Variants in MRPL45 observed in about 807,000 individuals in gnomAD.
MRPL45 encodes the protein large ribosomal subunit protein mL45.
Under a neutral mutation model 38.1 loss-of-function variants are expected in MRPL45, and 20 were observed. The observed-to-expected ratio is 0.53, with a 90% CI of 0.37 to 0.76. The LOEUF is 0.76. Among genes scored for constraint, MRPL45 ranks in the 30% least tolerant of loss-of-function variants. The pLI, the probability that MRPL45 is intolerant of heterozygous loss-of-function variation, is 0.00. For synonymous variants in MRPL45, 105 were observed against 128.8 expected (o/e 0.82, Z 1.25); for missense variants, 337 against 395.6 (o/e 0.85, Z 1.26).
intron 4 of MRPL45, among the ~76,000 whole-genome samples, chr17:38,317,794 C>T (rs1370870893): frequency 2.6e-5 from 4 of 151,446 alleles, no homozygotes; most frequent in South Asian, 4.2e-4. Flanking sequence ...ATGACGGTCT[C>T]GATCTCCTGA....
intron 4 of MRPL45, among the ~76,000 whole-genome samples, chr17:38,314,417 G>T (rs2037154946): frequency 6.6e-6 from 1 of 152,154 alleles, no homozygotes; most frequent in South Asian, 2.1e-4. Context: ...TTTCACTCTT[G>T]ATAGTATCCT....
In MRPL45 at chr17:38,322,545, G is replaced by C; in HGVS notation, c.871G>C (p.Glu291Gln). 1 of 1,613,684 alleles carries C rather than the reference G, an allele frequency of 6.2e-7. No individual in the cohort carries two copies. The highest frequency in any genetic ancestry group is 8.5e-7 in the Non-Finnish European group (1 of 1,179,978). The stretch of plus-strand genomic sequence containing the variant: ...CCCTGGCCCTCAGCTGAAACCAGAA[G>C]AAGAATATGAAGAGGCACAAGGAGA... ...MIPGPQLKPEEEYEEAQGEAQ... is the reference protein window; with the variant it reads ...MIPGPQLKPEQEYEEAQGEAQ... Residue 291 changes from glutamate to glutamine, a missense_variant, in exon 8 of 8, where the codon GAA becomes CAA. Around this residue, in one of 3 missense-constraint regions of MRPL45, gnomAD observed 251 missense variants for 269.1 expected, o/e 0.93. Transcript: ENST00000613675.
chr17:38,315,421 ATT>A (rs78081464), intron 4 of MRPL45, among the ~76,000 whole-genome samples: 9 of 141,968 alleles, frequency 6.3e-5, no homozygotes, highest in African/African-American at 2.0e-4. Context: ...CACCTGGCTA[ATT>A]TTTTTTTTTT....
chr17:38,317,858 C>T (rs572051319), intron 4 of MRPL45, among the ~76,000 whole-genome samples: 1 of 151,966 alleles, frequency 6.6e-6, no homozygotes, highest in South Asian at 2.1e-4. Flanking sequence ...CAGGCATGAG[C>T]CACCATGCCC....
chr17:38,305,354 C>T (rs1436296021), intron 3 of MRPL45, among the ~76,000 whole-genome samples: 6 of 143,670 alleles, frequency 4.2e-5, no homozygotes, highest in African/African-American at 1.0e-4. Flanking sequence ...GTAGTCCCAG[C>T]TACTTGGGAG....
chr17:38,308,437 TTTTTGTTTG>T (rs1205786810), intron 4 of MRPL45, among the ~76,000 whole-genome samples: 5 of 149,610 alleles, frequency 3.3e-5, no homozygotes, highest in Admixed American at 1.4e-4. Flanking sequence ...ATTGTTTTTT[TTTTTGTTTG>T]TTTGTTTGTT....
At chr17:38,309,758 C>A (rs912729243) in intron 4 of MRPL45, among the ~76,000 whole-genome samples, 5 of 151,668 alleles carry the variant, frequency 3.3e-5, no homozygotes, top group Non-Finnish European at 5.9e-5. Flanking sequence ...CACACTGGGC[C>A]ATGTGTGTGT....
chr17:38,320,797 C>G (rs1567719268), intron 6 of MRPL45, 30 bp downstream of exon 6: 1 of 1,611,026 alleles, frequency 6.2e-7, no homozygotes, highest in Admixed American at 1.7e-5. Context: ...TTCCTCCCAG[C>G]TTTTTTTCAC....
In MRPL45 at chr17:38,322,833, A is replaced by G; in HGVS notation, c.*238A>G. 3.9e-6 allele frequency: 2 copies of G among 511,458 alleles called. No homozygotes were observed. Among genetic ancestry groups the G allele is most frequent in the Non-Finnish European group, 6.9e-6 (2 of 289,386 alleles). The allele number at this position is 511,458 out of a possible 1,614,324, so 31.7% of individuals were successfully genotyped here. On this transcript the variant is annotated 3_prime_UTR_variant, in exon 8 of 8. Transcript: ENST00000613675. ...AATTTTATGTCTAGCTTCTGAGTCT[A>G]GATGAAAGACAGTATGTTTCAGAGA... is the stretch of plus-strand genomic sequence containing the variant.
rs550898882 is a variant in MRPL45, at chr17:38,307,396, C to G, written c.461+765C>G. ...ACAGTCTGGAATGCAGTGGCATGAT[C>G]GTGGCTCACTGCAGCCTTGACCTCC... On this transcript the variant is annotated intron_variant, in intron 4 of 7. Coordinates refer to ENST00000613675, the MANE Select transcript of MRPL45 (RefSeq NM_032351.6). Among the ~76,000 whole-genome samples the G allele has an allele frequency of 3.3e-5, 5 of 151,560 alleles. No individual in the cohort carries two copies. In the South Asian group the frequency reaches 1.0e-3, roughly 31 times the overall value.
At chr17:38,319,328 C>G (rs1008703248) in intron 5 of MRPL45, among the ~76,000 whole-genome samples, 1 of 152,078 alleles carries the variant, frequency 6.6e-6, no homozygotes, top group Non-Finnish European at 1.5e-5. Flanking sequence ...AGCTACCGCA[C>G]CTGGCCTAAT....
At chr17:38,315,927 C>T (rs2037168840) in intron 4 of MRPL45, among the ~76,000 whole-genome samples, 2 of 151,920 alleles carry the variant, frequency 1.3e-5, no homozygotes, top group African/African-American at 4.8e-5. Context: ...CACTTGCCAC[C>T]CACACCTGGC....
intron 5 of MRPL45, 87 bp downstream of exon 5, chr17:38,318,822 CTTT>C (rs1454412319): frequency 3.5e-6 from 2 of 578,226 alleles, no homozygotes; most frequent in Admixed American, 5.9e-5. Flanking sequence ...CTTTTCTTTT[CTTT>C]TCTTTTTTTT....
intron 3 of MRPL45, among the ~76,000 whole-genome samples, chr17:38,305,137 A>G (rs1240805548): frequency 4.1e-5 from 6 of 145,232 alleles, no homozygotes. Flanking sequence ...GAGCCACTGC[A>G]CCCGGCCTGT....
At chr17:38,313,349 T>TATATATATATATAC (rs2037141738) in intron 4 of MRPL45, among the ~76,000 whole-genome samples, 1 of 19,092 alleles carries the variant, frequency 5.2e-5, no homozygotes, top group African/African-American at 2.2e-4. Context: ...TATATATACG[T>TATATATATATATAC]ATATATATAT....
chr17:38,302,998 G>T (rs1323277579), intron 3 of MRPL45, among the ~76,000 whole-genome samples: 1 of 151,042 alleles, frequency 6.6e-6, no homozygotes, highest in Admixed American at 6.7e-5. Context: ...CATTACAGGC[G>T]TGAGGCACCG....
chr17:38,306,594 A>G lies in MRPL45; in HGVS notation c.424A>G (p.Lys142Glu). Residue 142 changes from lysine (K) to glutamate (E), a missense_variant, in exon 4 of 8, where the codon AAG becomes GAG. Lys to Glu is a moderately conservative substitution (Grantham distance 56). Transcript: ENST00000613675. ...FKIKDFPEKA[K>E]DIFIEAHLCL... The stretch of plus-strand genomic sequence containing the variant: ...AATAAAGGACTTCCCTGAAAAAGCT[A>G]AGGATATCTTTATTGAAGCTCACCT... The G allele has an allele frequency of 1.9e-6, 3 of 1,612,832 alleles. No homozygotes were observed. The highest frequency in any genetic ancestry group is 2.5e-6 in the Non-Finnish European group (3 of 1,179,664).
chr17:38,317,454 G>T (rs2037185323), intron 4 of MRPL45, among the ~76,000 whole-genome samples: 1 of 152,164 alleles, frequency 6.6e-6, no homozygotes, highest in Non-Finnish European at 1.5e-5. Context: ...GAAAAGTCGT[G>T]TGTATCTGAA....
rs1555561978 is a variant in MRPL45, at chr17:38,313,311, A to AT, written c.462-5376_462-5375insT. ...TTCCTTTCTATTAAAAAAAAAAAAA[A>AT]ATATATATATATATATATATACATA... On this transcript the variant is annotated intron_variant, in intron 4 of 7. Transcript: ENST00000613675. 8.6e-3 allele frequency among the ~76,000 whole-genome samples: 68 copies of AT among 7,864 alleles called. 5 individuals are homozygous for AT. Among genetic ancestry groups the AT allele is most frequent in the African/African-American group, 0.029 (59 of 2,034 alleles). 5.2% of individuals were successfully genotyped at this position (7,864 alleles called of 152,430 possible).
Sources: allele counts gnomAD v4.1 joint callset (sites outside exome capture counted in the v4.1 genomes callset), GRCh38; gene constraint gnomAD v4.1.1; regional missense constraint gnomAD v4.1.1; transcripts MANE v1.5; gene names NCBI Gene and HGNC (gene_info 2026-07-23, HGNC 2026-07-21).